NCOR2: variants seen among roughly 807,000 people sequenced by gnomAD.
NCOR2 encodes the protein nuclear receptor corepressor 2, also known as CTG repeat protein 26.
Under a neutral mutation model 262.9 loss-of-function variants are expected in NCOR2, and 81 were observed. That is an observed-to-expected ratio of 0.31 (90% CI 0.26 to 0.37). The LOEUF (loss-of-function observed/expected upper bound fraction) is 0.37. Ranked by LOEUF, NCOR2 falls within the 10% of genes least tolerant of loss-of-function variation. The pLI is 1.00. For missense variants in NCOR2, 3,385 were observed against 3,621.4 expected, an observed-to-expected ratio of 0.93 and a Z score of 1.68; for synonymous variants, 1,659 against 1,559.3, an observed-to-expected ratio of 1.06 and a Z score of -1.51.
At chr12:124,334,178 G>C (rs1027772732) in intron 41 of NCOR2, among the ~76,000 whole-genome samples, 12 of 152,198 alleles carry the variant, frequency 7.9e-5, no homozygotes, top group African/African-American at 2.7e-4. Flanking sequence ...CTCCTGGGGG[G>C]CTGTGTGTAA....
intron 11 of NCOR2, among the ~76,000 whole-genome samples, chr12:124,422,820 G>A (rs2043297423): frequency 6.6e-6 from 1 of 152,244 alleles, no homozygotes; most frequent in Admixed American, 6.5e-5. Flanking sequence ...CCTGCTGGAG[G>A]CGGCTTCCAG....
intron 1 of NCOR2, among the ~76,000 whole-genome samples, chr12:124,534,890 T>C (rs1286037281): frequency 2.0e-5 from 3 of 152,328 alleles, no homozygotes; most frequent in African/African-American, 7.2e-5. Flanking sequence ...AAGCACGACC[T>C]GTGATTATGA....
In NCOR2 at chr12:124,503,528, GATGA is replaced by G. The variant is rs1455811307; in HGVS notation, c.-117-8164_-117-8161del. On this transcript the variant is annotated intron_variant, in intron 1 of 46. Coordinates refer to the NCOR2 transcript ENST00000404621. The surrounding 1 kb of genome is among the most constrained non-coding windows in gnomAD (Gnocchi z 4.3). Reference sequence around the variant, plus strand: ...TGGATGGATGGACAGAGGATGGACAGATGAATGGATGGATGGATGGACGAATGGA... The same window carrying G: ...TGGATGGATGGACAGAGGATGGACAGATGGATGGATGGATGGACGAATGGA... Among the ~76,000 whole-genome samples the G allele has an allele frequency of 2.0e-5, 3 of 151,762 alleles. No homozygotes were observed. The highest frequency in any genetic ancestry group is 6.6e-5 in the Admixed American group (1 of 15,252).
Position 124,339,298 on chromosome 12 carries a change from CCCATCCAT to C in NCOR2, c.5687+700_5687+707del, listed in dbSNP as rs147095017. 9.2e-5 allele frequency among the ~76,000 whole-genome samples: 12 copies of C among 129,758 alleles called. 1 individual carries two copies. Among genetic ancestry groups the C allele is most frequent in the African/African-American group, 1.3e-4 (4 of 30,404 alleles). The allele number at this position is 129,758 out of a possible 152,430, so 85.1% of individuals were successfully genotyped here. A position where few individuals can be genotyped will look rare whatever the true frequency, so the allele number is the denominator to read the frequency against. On this transcript the variant is annotated intron_variant, in intron 37 of 46. Coordinates refer to ENST00000405201, the Ensembl canonical transcript of NCOR2. ...CCTACCTACCTAACCCAACCACCTG[CCCATCCAT>C]CCATCCATCCATCCATCCATCCATC... is the stretch of plus-strand genomic sequence containing the variant.
At chr12:124,362,234 C>A (rs1021042851) in exon 22 of NCOR2, 1 of 1,314,992 alleles carries the variant, frequency 7.6e-7, no homozygotes, top group Non-Finnish European at 9.7e-7. Flanking sequence ...GGCGGTGGGG[C>A]TGGGGGAGCT....
At chr12:124,563,325 G>A (rs2052130680) in intron 1 of NCOR2, among the ~76,000 whole-genome samples, 1 of 152,224 alleles carries the variant, frequency 6.6e-6, no homozygotes, top group African/African-American at 2.4e-5. Flanking sequence ...AGGCTAGCTG[G>A]AGCCAAGTGG....
At position 124,370,682 on chromosome 12, in the gene NCOR2, C is replaced by A. The variant is rs114943925; in HGVS notation, c.2807+1340G>T. On this transcript the variant is annotated intron_variant, in intron 20 of 46. Coordinates refer to ENST00000405201, the Ensembl canonical transcript of NCOR2. ...TTGGGTAGCCATCTTTGGTTCTGGG[C>A]TGGAGGCCTTGAGGCCCAAAGCATC... is the stretch of plus-strand genomic sequence containing the variant. Among the ~76,000 whole-genome samples the A allele has an allele frequency of 3.5e-3, 527 of 152,322 alleles. 4 individuals are homozygous for A. The highest frequency in any genetic ancestry group is 0.012 in the African/African-American group (506 of 41,562).
At chr12:124,462,574 T>G (rs907775772) in intron 5 of NCOR2, among the ~76,000 whole-genome samples, 2 of 152,216 alleles carry the variant, frequency 1.3e-5, no homozygotes, top group Non-Finnish European at 2.9e-5. Context: ...AAAGAACCCC[T>G]GGACCCTGGG....
intron 1 of NCOR2, among the ~76,000 whole-genome samples, chr12:124,542,311 G>A (rs1249424491): frequency 2.0e-5 from 3 of 152,050 alleles, no homozygotes; most frequent in Non-Finnish European, 4.4e-5. Context: ...CTCCCTCTCA[G>A]CCCAGCCTCC....
chr12:124,344,890 C>T lies in NCOR2; in HGVS notation c.4421G>A (p.Arg1474His), dbSNP rs867704636. The stretch of plus-strand genomic sequence containing the variant: ...CCGGCCGGGGCTGCCGATGAGGGAG[C>T]GTACGTCGTGCTTTTTGGAGCCAGT... Residue 1474 changes from arginine (R) to histidine (H), a missense_variant, in exon 32 of 47, where the codon CGC becomes CAC. Transcript: ENST00000405201. The T allele has an allele frequency of 5.7e-6, 9 of 1,581,604 alleles. No individual in the cohort carries two copies. Among genetic ancestry groups the T allele is most frequent in the African/African-American group, 5.4e-5 (4 of 74,536 alleles).
chr12:124,384,039 G>A (rs559310737), intron 17 of NCOR2, among the ~76,000 whole-genome samples: 1 of 151,966 alleles, frequency 6.6e-6, no homozygotes, highest in African/African-American at 2.4e-5. Flanking sequence ...CCCAGAGAGG[G>A]GAGGCGGGGG....
rs558675216 is a variant in NCOR2 at position 124,548,213 on chromosome 12, T to C, written c.-164-12602A>G. Among the ~76,000 whole-genome samples, 4 of 152,276 alleles carry C rather than the reference T, an allele frequency of 2.6e-5. No individual in the cohort carries two copies. The East Asian group carries it at 5.8e-4, about 22-fold the overall frequency. On this transcript the variant is annotated intron_variant, in intron 1 of 32. Transcript: ENST00000458234. The surrounding 1 kb of genome is among the most constrained non-coding windows in gnomAD (Gnocchi z 5.1). ...CAGCAAGGAGCCAGCTGTGTCAATA[T>C]GCAGGGAACAGCATTCCAGGTGGGG... is the stretch of plus-strand genomic sequence containing the variant.
At chr12:124,408,796 G>T (rs2042413415) in intron 13 of NCOR2, among the ~76,000 whole-genome samples, 1 of 152,186 alleles carries the variant, frequency 6.6e-6, no homozygotes, top group South Asian at 2.1e-4. Context: ...AAGGTTACAA[G>T]CACTCCAAGG....
chr12:124,340,700 G>A (rs1343760195), exon 35 of NCOR2: 1 of 1,538,570 alleles, frequency 6.5e-7, no homozygotes. Context: ...GGTGCCTGGT[G>A]TCGGGGGCAC....
chr12:124,371,969 G>A (rs1185087102), intron 20 of NCOR2, 53 bp downstream of exon 22: 2 of 1,504,038 alleles, frequency 1.3e-6, no homozygotes, highest in East Asian at 2.3e-5. Context: ...GGTAGTCGCT[G>A]CTCAGTGTCT....
chr12:124,545,177 C>T (rs2051501600), intron 1 of NCOR2, among the ~76,000 whole-genome samples: 2 of 152,232 alleles, frequency 1.3e-5, no homozygotes, highest in South Asian at 4.2e-4. Flanking sequence ...CCCAGCACCT[C>T]GAACACCCAG....
intron 9 of NCOR2, 36 bp from the exon 12 acceptor site, chr12:124,429,742 C>A: frequency 1.3e-6 from 2 of 1,555,968 alleles, no homozygotes; most frequent in South Asian, 2.3e-5. Flanking sequence ...GACCGGTCTT[C>A]TGGTGGTCGG....
At chr12:124,413,535 G>C (rs1022308620) in intron 13 of NCOR2, among the ~76,000 whole-genome samples, 5 of 152,176 alleles carry the variant, frequency 3.3e-5, no homozygotes, top group African/African-American at 1.2e-4. Flanking sequence ...AGCGGCCTCT[G>C]TCCTGGTGAC....
exon 11 of NCOR2, chr12:124,426,777 C>T: frequency 6.3e-7 from 1 of 1,582,996 alleles, no homozygotes; most frequent in East Asian, 2.3e-5. Context: ...TCACGGCCAG[C>T]TGGCGCATCT....
Sources: gnomAD v4.1 joint callset for allele counts (sites outside exome capture counted in the v4.1 genomes callset) on GRCh38, gnomAD v4.1.1 for gene constraint, Gnocchi (gnomAD v3.1) non-coding constraint, MANE v1.5 for transcripts, NCBI Gene and HGNC (gene_info 2026-07-23, HGNC 2026-07-21) for gene names.